The following RASGRP4 variants were observed in gnomAD, a reference collection of about 807,000 sequenced individuals.
The protein encoded by RASGRP4 is RAS guanyl-releasing protein 4.
In RASGRP4, 52 loss-of-function variants were observed where a neutral mutation model predicts 84.4. The ratio of observed to expected loss-of-function variants is 0.62; its 90% CI spans 0.49 to 0.78. The LOEUF (loss-of-function observed/expected upper bound fraction) is 0.78, where lower values mean the gene tolerates loss of function less well. Among genes scored for constraint, RASGRP4 ranks in the 30% least tolerant of loss-of-function variants. RASGRP4 has a pLI of 0.00. For missense variants in RASGRP4, 760 were observed against 886.9 expected, an observed-to-expected ratio of 0.86 and a Z score of 1.82; for synonymous variants, 356 against 359.1, an observed-to-expected ratio of 0.99 and a Z score of 0.10.
intron 8 of RASGRP4, among the ~76,000 whole-genome samples, chr19:38,415,856 C>T (rs1420740284): frequency 6.7e-6 from 1 of 148,874 alleles, no homozygotes; most frequent in African/African-American, 2.5e-5. Flanking sequence ...GTCAGGAGTT[C>T]GAGAACAGCC....
Position 38,409,758 on chromosome 19 carries a change from A to C in RASGRP4, c.*282T>G. The C allele has an allele frequency of 3.9e-6, 1 of 259,632 alleles. No individual in the cohort carries two copies. Among genetic ancestry groups the C allele is most frequent in the Non-Finnish European group, 7.3e-6 (1 of 137,032 alleles). 16.1% of individuals were successfully genotyped at this position (259,632 alleles called of 1,614,324 possible). A position where few individuals can be genotyped will look rare whatever the true frequency, so the allele number is the denominator to read the frequency against. ...GTCTCAAAAAAAAAAAGAAATGGAG[A>C]TGTAGGGAGTTGGTAGAATGAGGCC... On this transcript the variant is annotated 3_prime_UTR_variant, in exon 17 of 17. Coordinates refer to ENST00000615439, the MANE Select transcript of RASGRP4 (RefSeq NM_170604.3).
chr19:38,414,719 G>T, intron 9 of RASGRP4, 129 bp downstream of exon 9: 1 of 956,928 alleles, frequency 1.0e-6, no homozygotes, highest in Non-Finnish European at 1.5e-6. Flanking sequence ...AAAAAACCTA[G>T]AAGTTCTGGC....
Position 38,413,876 on chromosome 19 carries a change from G to A in RASGRP4, c.1231-402C>T, listed in dbSNP as rs1222023438. 6.6e-6 allele frequency among the ~76,000 whole-genome samples: 1 copy of A among 152,156 alleles called. No individual in the cohort carries two copies. The highest frequency in any genetic ancestry group is 1.9e-4 in the East Asian group (1 of 5,202). On this transcript the variant is annotated intron_variant, in intron 9 of 16. Transcript: ENST00000615439. This position sits in a 1 kb window ranked among gnomAD's most constrained non-coding sequence, Gnocchi z 4.7. The stretch of plus-strand genomic sequence containing the variant: ...ATCAATGGATACTTGAGTCATTGGA[G>A]GAAGTGGGGAAAAAACATGTTACTT...
In RASGRP4 at chr19:38,413,388, T is replaced by C; in HGVS notation, c.1311+6A>G. ...GGGGAGTCCGAGGCCAGGGGTTGGG[T>C]CTCACCAGGCTCTTGGGACAACGCG... On this transcript the variant is annotated splice_donor_region_variant and intron_variant, in intron 10 of 16. Coordinates refer to ENST00000615439, the MANE Select transcript of RASGRP4 (RefSeq NM_170604.3). This position sits in a 1 kb window ranked among gnomAD's most constrained non-coding sequence, Gnocchi z 4.7. 6.2e-7 allele frequency: 1 copy of C among 1,608,716 alleles called. No homozygotes were observed. The highest frequency in any genetic ancestry group is 8.5e-7 in the Non-Finnish European group (1 of 1,177,472).
Position 38,410,463 on chromosome 19 carries a change from T to A in RASGRP4, c.1966-367A>T, listed in dbSNP as rs376867350. ...GGTCTTGCTCTGTCACCTAGGCTGG[T>A]GTGCAGTGGCACAATCTCAGCTCAC... On this transcript the variant is annotated intron_variant, in intron 16 of 16. Transcript: ENST00000615439. 1.6e-3 allele frequency among the ~76,000 whole-genome samples: 238 copies of A among 150,928 alleles called. 1 individual carries two copies. Among genetic ancestry groups the A allele is most frequent in the Non-Finnish European group, 2.1e-3 (143 of 67,782 alleles).
chr19:38,411,917 G>T (rs1397596508), intron 13 of RASGRP4, among the ~76,000 whole-genome samples: 3 of 152,208 alleles, frequency 2.0e-5, no homozygotes, highest in African/African-American at 7.2e-5. Flanking sequence ...GTAATCCAAG[G>T]TTTGTGAATT....
At chr19:38,419,090 C>T (rs1317255670) in intron 6 of RASGRP4, among the ~76,000 whole-genome samples, 1 of 152,230 alleles carries the variant, frequency 6.6e-6, no homozygotes, top group Admixed American at 6.5e-5. Flanking sequence ...ACACAACACA[C>T]ACATACAATC....
In RASGRP4 at chr19:38,413,170, C is replaced by A. The variant is rs1424730472; in HGVS notation, c.1416+23G>T. The A allele has an allele frequency of 6.2e-7, 1 of 1,605,054 alleles. No homozygotes were observed. The highest frequency in any genetic ancestry group is 1.7e-5 in the Admixed American group (1 of 59,840). ...TGTCTTCCCTCCTGGCTGCTGGCGG[C>A]CGGGCCACCCTCCCCTCCTTACCTC... On this transcript the variant is annotated intron_variant, in intron 11 of 16. Coordinates refer to ENST00000615439, the MANE Select transcript of RASGRP4 (RefSeq NM_170604.3). The surrounding 1 kb of genome is among the most constrained non-coding windows in gnomAD (Gnocchi z 4.7).
intron 1 of RASGRP4, among the ~76,000 whole-genome samples, chr19:38,425,373 C>T (rs1026308303): frequency 3.3e-5 from 5 of 152,056 alleles, no homozygotes; most frequent in Admixed American, 2.6e-4. Flanking sequence ...AGAAGAAAAA[C>T]CCGAGACACA....
rs1055747338 is a variant in RASGRP4 at position 38,409,893 on chromosome 19, A to C, written c.*147T>G. ...AGAGGAAAGTCACTTCCAGGGAAAA[A>C]GATGACGGACGTACCACTAAAGGCA... On this transcript the variant is annotated 3_prime_UTR_variant, in exon 17 of 17. Transcript: ENST00000615439. 7.3e-5 allele frequency: 42 copies of C among 576,600 alleles called. 1 individual carries two copies. The African/African-American group carries it at 7.7e-4, about 11-fold the overall frequency. 35.7% of individuals were successfully genotyped at this position (576,600 alleles called of 1,614,324 possible).
At position 38,425,518 on chromosome 19, in the gene RASGRP4, C is replaced by T. The variant is rs574679279; in HGVS notation, c.23+551G>A. Among the ~76,000 whole-genome samples, 7 of 152,278 alleles carry T rather than the reference C, an allele frequency of 4.6e-5. No individual in the cohort carries two copies. The South Asian group carries it at 1.4e-3, about 32-fold the overall frequency. ...GCTGGGGGTGGCAGGAGGAGTTACC[C>T]AGGCTAGGGAGCCACCCACCATCTG... is the stretch of plus-strand genomic sequence containing the variant. On this transcript the variant is annotated intron_variant, in intron 1 of 16. Coordinates refer to ENST00000615439, the MANE Select transcript of RASGRP4 (RefSeq NM_170604.3).
chr19:38,410,300 C>T (rs1417454564), intron 16 of RASGRP4, among the ~76,000 whole-genome samples: 1 of 152,126 alleles, frequency 6.6e-6, no homozygotes. Flanking sequence ...CGTACAGTAG[C>T]TCCTGATATA....
In RASGRP4 at chr19:38,420,022, C is replaced by G; in HGVS notation, c.510-9G>C. The G allele has an allele frequency of 1.2e-6, 2 of 1,612,944 alleles. No individual in the cohort carries two copies. The highest frequency in any genetic ancestry group is 1.7e-6 in the Non-Finnish European group (2 of 1,179,122). On this transcript the variant is annotated splice_polypyrimidine_tract_variant and intron_variant, in intron 5 of 16. Coordinates refer to ENST00000615439, the MANE Select transcript of RASGRP4 (RefSeq NM_170604.3). Reference sequence around the variant, plus strand: ...GGCCACCAGGGCTCAGGCTGGGGGCCAAGAGGGGCAGGGTATTGGAGTGGC... The same window carrying G: ...GGCCACCAGGGCTCAGGCTGGGGGCGAAGAGGGGCAGGGTATTGGAGTGGC...
At chr19:38,424,928 CT>C (rs966014016) in intron 1 of RASGRP4, among the ~76,000 whole-genome samples, 20 of 151,700 alleles carry the variant, frequency 1.3e-4, no homozygotes, top group African/African-American at 4.8e-4. Flanking sequence ...GCTCATGCCT[CT>C]AATCCCAGCA....
chr19:38,416,462 T>C (rs1348742303), intron 8 of RASGRP4, among the ~76,000 whole-genome samples: 3 of 57,040 alleles, frequency 5.3e-5, no homozygotes, highest in Non-Finnish European at 8.4e-5. Context: ...AGACTCTGTC[T>C]CAAAAAAAAA....
rs1971620321 is a variant in RASGRP4, at chr19:38,418,930, G to T, written c.664-366C>A. On this transcript the variant is annotated intron_variant, in intron 6 of 16. Coordinates refer to ENST00000615439, the MANE Select transcript of RASGRP4 (RefSeq NM_170604.3). The surrounding 1 kb of genome is among the most constrained non-coding windows in gnomAD (Gnocchi z 4.6). The stretch of plus-strand genomic sequence containing the variant: ...TGTGAGTCAGGGTGGGCGTCTATAT[G>T]CTCTTAACTGTACACCTGACTGGTA... 6.6e-6 allele frequency among the ~76,000 whole-genome samples: 1 copy of T among 152,156 alleles called. No individual in the cohort carries two copies. Among genetic ancestry groups the T allele is most frequent in the East Asian group, 1.9e-4 (1 of 5,196 alleles).
chr19:38,413,050 C>T lies in RASGRP4; in HGVS notation c.1417-1G>A, dbSNP rs1446425111. The T allele has an allele frequency of 6.2e-7, 1 of 1,612,540 alleles. No homozygotes were observed. The highest frequency in any genetic ancestry group is 8.5e-7 in the Non-Finnish European group (1 of 1,178,664). The stretch of plus-strand genomic sequence containing the variant: ...CAGGGTCATAATTCTTGAACACAGA[C>T]TTCAGAGGAGTGTGGGGAAGCAGAT... On this transcript the variant is annotated splice_acceptor_variant, in intron 11 of 16. Coordinates refer to ENST00000615439, the MANE Select transcript of RASGRP4 (RefSeq NM_170604.3). LOFTEE classifies it high-confidence loss of function. The surrounding 1 kb of genome is among the most constrained non-coding windows in gnomAD (Gnocchi z 4.7).
chr19:38,422,057 G>A lies in RASGRP4; in HGVS notation c.120C>T (p.Ser40=). ...HKTCPSPREI[S]KVMASMNLGL... ...CCAGGTTCATGGAAGCCATGACCTT[G>A]CTGATTTCCCGAGGGCTGGGGCATG... The change falls in exon 2 of 17, where the codon AGC becomes AGT. Residue 40 remains serine (S), a synonymous_variant. Transcript: ENST00000615439. 1 of 1,613,750 alleles carries A rather than the reference G, an allele frequency of 6.2e-7. No individual in the cohort carries two copies.
chr19:38,421,674 T>C (rs1409662522), intron 2 of RASGRP4, among the ~76,000 whole-genome samples: 1 of 151,448 alleles, frequency 6.6e-6, no homozygotes, highest in Non-Finnish European at 1.5e-5. Flanking sequence ...ATCAGGCCAC[T>C]GCACTCCAGC....
Sources: gnomAD v4.1 joint callset for allele counts (sites outside exome capture counted in the v4.1 genomes callset) on GRCh38, gnomAD v4.1.1 for gene constraint, Gnocchi (gnomAD v3.1) non-coding constraint, MANE v1.5 for transcripts, NCBI Gene and HGNC (gene_info 2026-07-23, HGNC 2026-07-21) for gene names.